The following CRIM1 variants were observed in gnomAD, a reference collection of about 807,000 sequenced individuals.
CRIM1 encodes cysteine rich transmembrane BMP regulator 1, also known as cysteine-rich motor neuron 1 protein.
A neutral mutation model predicts 116.4 loss-of-function variants in CRIM1; 32 were observed. The ratio of observed to expected loss-of-function variants is 0.27; its 90% CI spans 0.21 to 0.37. CRIM1 has a LOEUF of 0.37. Among genes scored for constraint, CRIM1 ranks in the 10% least tolerant of loss-of-function variants. The pLI, the probability that CRIM1 is intolerant of heterozygous loss-of-function variation, is 1.00. For synonymous variants in CRIM1, 590 were observed against 509.2 expected, an observed-to-expected ratio of 1.16 and a Z score of -2.13; for missense variants, 1,331 against 1,354.8, an observed-to-expected ratio of 0.98 and a Z score of 0.28.
chr2:36,377,056 CA>C (rs1553367778), intron 1 of CRIM1, among the ~76,000 whole-genome samples: 1 of 152,170 alleles, frequency 6.6e-6, no homozygotes, highest in Non-Finnish European at 1.5e-5. Context: ...TGCCTCCCCC[CA>C]TGTGGGTTCC....
At chr2:36,545,210 T>C (rs1667233254) in intron 15 of CRIM1, among the ~76,000 whole-genome samples, 1 of 152,182 alleles carries the variant, frequency 6.6e-6, no homozygotes, top group Non-Finnish European at 1.5e-5. Flanking sequence ...GAAGAAGCAA[T>C]ATTCATTGCT....
rs116717920 is a variant in CRIM1 at position 36,362,697 on chromosome 2, A to G, written c.331+6074A>G. 2.4e-3 allele frequency among the ~76,000 whole-genome samples: 360 copies of G among 152,272 alleles called. 3 individuals carry two copies. Among genetic ancestry groups the G allele is most frequent in the African/African-American group, 8.3e-3 (344 of 41,544 alleles). ...TCAAGACAGAGGAATGGTTGAATAT[A>G]CCTCTATGTAAGAATACCCTCAAGG... On this transcript the variant is annotated intron_variant, in intron 1 of 16. Coordinates refer to ENST00000280527, the MANE Select transcript of CRIM1 (RefSeq NM_016441.3).
At chr2:36,468,739 C>G (rs1678247387) in intron 5 of CRIM1, among the ~76,000 whole-genome samples, 1 of 152,166 alleles carries the variant, frequency 6.6e-6, no homozygotes, top group South Asian at 2.1e-4. Context: ...TGGATGCTCT[C>G]CACTTAACAC....
chr2:36,495,410 A>G (rs1208665520), intron 7 of CRIM1, among the ~76,000 whole-genome samples: 1 of 152,036 alleles, frequency 6.6e-6, no homozygotes, highest in African/African-American at 2.4e-5. Flanking sequence ...TAACTTTTAG[A>G]CAAGCAGAAT....
In CRIM1 at chr2:36,518,228, A is replaced by G. The variant is rs144724090; in HGVS notation, c.2206+686A>G. Among the ~76,000 whole-genome samples, 669 of 152,360 alleles carry G rather than the reference A, an allele frequency of 4.4e-3. 16 individuals are homozygous for G. The highest frequency in any genetic ancestry group is 0.041 in the Admixed American group (630 of 15,308). Reference sequence around the variant, plus strand: ...TTATATAACTTTAGTAGTACTTTTAATTAATACTAGATGTGACTTTTTCAA... The same window carrying G: ...TTATATAACTTTAGTAGTACTTTTAGTTAATACTAGATGTGACTTTTTCAA... On this transcript the variant is annotated intron_variant, in intron 12 of 16. Coordinates refer to ENST00000280527, the MANE Select transcript of CRIM1 (RefSeq NM_016441.3).
At chr2:36,411,007 G>A (rs774179362) in intron 2 of CRIM1, among the ~76,000 whole-genome samples, 3 of 152,070 alleles carry the variant, frequency 2.0e-5, no homozygotes, top group African/African-American at 7.2e-5. Context: ...CGTGTCTGAC[G>A]CAGATCTGGG....
chr2:36,479,758 C>G, intron 7 of CRIM1, 64 bp downstream of exon 7: 1 of 1,484,488 alleles, frequency 6.7e-7, no homozygotes, highest in Non-Finnish European at 9.4e-7. Flanking sequence ...CTTCTACCAG[C>G]GTACGTTCTT....
chr2:36,458,645 T>C (rs114690978), intron 4 of CRIM1, among the ~76,000 whole-genome samples: 2,514 of 151,864 alleles, frequency 0.017, 88 homozygotes, highest in African/African-American at 0.058. Flanking sequence ...GGCCTGAAGG[T>C]TGAGGTGCTT....
chr2:36,529,925 C>T (rs1041714790), intron 13 of CRIM1, among the ~76,000 whole-genome samples: 3 of 152,052 alleles, frequency 2.0e-5, no homozygotes, highest in Admixed American at 6.5e-5. Context: ...AAACTGTGGC[C>T]AAATCTGCTT....
At chr2:36,437,545 G>A (rs1190828009) in intron 2 of CRIM1, among the ~76,000 whole-genome samples, 3 of 138,184 alleles carry the variant, frequency 2.2e-5, no homozygotes, top group African/African-American at 8.5e-5. Context: ...TAGAACACAA[G>A]GATGATTTAA....
At position 36,544,386 on chromosome 2, in the gene CRIM1, C is replaced by T. The variant is rs1667166385; in HGVS notation, c.2634C>T (p.Val878=). 2 of 1,374,824 alleles carry T rather than the reference C, an allele frequency of 1.5e-6. No individual in the cohort carries two copies. Among genetic ancestry groups the T allele is most frequent in the South Asian group, 2.2e-5 (1 of 45,020 alleles). 85.2% of individuals were successfully genotyped at this position (1,374,824 alleles called of 1,614,324 possible). A position where few individuals can be genotyped will look rare whatever the true frequency, so the allele number is the denominator to read the frequency against. The change falls in exon 15 of 17, where the codon GTC becomes GTT. Residue 878 remains valine, a synonymous_variant. Coordinates refer to ENST00000280527, the MANE Select transcript of CRIM1 (RefSeq NM_016441.3). The part of the protein sequence containing the change: ...SCCPMCPEMY[V]PEPTNIPIEK... ...GTTCCCTTCTTTTAGAAATGTATGTCCCAGAACCAACCAATATACCCATTG... is the reference window on the plus strand; with the variant it reads ...GTTCCCTTCTTTTAGAAATGTATGTTCCAGAACCAACCAATATACCCATTG...
chr2:36,433,379 G>A (rs530921288), intron 2 of CRIM1, among the ~76,000 whole-genome samples: 2 of 152,322 alleles, frequency 1.3e-5, no homozygotes, highest in East Asian at 1.9e-4. Context: ...TAGAGGCACG[G>A]TGGGGCCGAT....
chr2:36,372,367 G>T (rs1432293636), intron 1 of CRIM1, among the ~76,000 whole-genome samples: 4 of 152,170 alleles, frequency 2.6e-5, no homozygotes, highest in African/African-American at 4.8e-5. Context: ...TCCACATTCA[G>T]TGTGGAATTG....
chr2:36,493,912 C>G (rs1680405022), intron 7 of CRIM1, among the ~76,000 whole-genome samples: 1 of 152,082 alleles, frequency 6.6e-6, no homozygotes. Flanking sequence ...TTATTGTTCT[C>G]CCAGAGTTGT....
intron 7 of CRIM1, among the ~76,000 whole-genome samples, chr2:36,480,117 C>T (rs1267275682): frequency 6.6e-6 from 1 of 152,178 alleles, no homozygotes; most frequent in Non-Finnish European, 1.5e-5. Flanking sequence ...CCATGAAAGC[C>T]AATTTCCACT....
At chr2:36,378,034 A>G (rs537972278) in intron 1 of CRIM1, among the ~76,000 whole-genome samples, 16 of 152,312 alleles carry the variant, frequency 1.1e-4, no homozygotes, top group East Asian at 3.9e-4. Context: ...CATTATTGGG[A>G]TATTTCAGAC....
chr2:36,386,170 A>G lies in CRIM1; in HGVS notation c.332-10444A>G, dbSNP rs540499169. On this transcript the variant is annotated intron_variant, in intron 1 of 16. Coordinates refer to ENST00000280527, the MANE Select transcript of CRIM1 (RefSeq NM_016441.3). ...TTAGAGCATCCATTAATATTTATAA[A>G]ATGGTACTGTGCATTATTCATGTCC... Among the ~76,000 whole-genome samples the G allele has an allele frequency of 2.6e-5, 4 of 152,308 alleles. No homozygotes were observed. In the East Asian group the frequency reaches 7.7e-4, roughly 29 times the overall value.
At chr2:36,450,888 A>G (rs575115847) in intron 4 of CRIM1, among the ~76,000 whole-genome samples, 4 of 152,362 alleles carry the variant, frequency 2.6e-5, no homozygotes, top group Admixed American at 2.6e-4. Context: ...TTGCTAGCAC[A>G]CTGTTTCTTG....
chr2:36,417,048 G>A (rs1366509029), intron 2 of CRIM1, among the ~76,000 whole-genome samples: 4 of 152,100 alleles, frequency 2.6e-5, no homozygotes, highest in African/African-American at 7.2e-5. Context: ...ACGTGGCACC[G>A]TCCACCCAGA....
Sources: gnomAD v4.1 joint callset for allele counts (sites outside exome capture counted in the v4.1 genomes callset) on GRCh38, gnomAD v4.1.1 for gene constraint, MANE v1.5 for transcripts, NCBI Gene and HGNC (gene_info 2026-07-23, HGNC 2026-07-21) for gene names.